LARGE1: variants seen among roughly 807,000 people sequenced by gnomAD.
LARGE1 encodes LARGE xylosyl- and glucuronyltransferase 1, also known as xylosyl- and glucuronyltransferase LARGE1.
In LARGE1, 43 loss-of-function variants were observed where a neutral mutation model predicts 87.6. The observed-to-expected ratio is 0.49, with a 90% confidence interval of 0.38 to 0.63. LARGE1 has a LOEUF of 0.63. Ranked by LOEUF, LARGE1 falls within the 30% of genes least tolerant of loss-of-function variation. The pLI is 0.00. For missense variants in LARGE1, 802 were observed against 1,000.2 expected, an observed-to-expected ratio of 0.80 and a Z score of 2.67; for synonymous variants, 434 against 394.6, an observed-to-expected ratio of 1.10 and a Z score of -1.18.
chr22:33,498,559 GCA>G (rs1569215112), intron 6 of LARGE1, among the ~76,000 whole-genome samples: 1 of 152,194 alleles, frequency 6.6e-6, no homozygotes, highest in Non-Finnish European at 1.5e-5. Context: ...CTAAGGGTTG[GCA>G]TATCTTTCCC....
intron 1 of LARGE1, among the ~76,000 whole-genome samples, chr22:33,775,229 C>A (rs529830949): frequency 1.3e-5 from 2 of 152,208 alleles, no homozygotes; most frequent in Admixed American, 1.3e-4. Context: ...CTGGGAATAA[C>A]CCCAAGATTT....
chr22:33,162,801 T>C (rs895841509), exon 12 of LARGE1: 1 of 152,218 alleles, frequency 6.6e-6, no homozygotes, highest in African/African-American at 2.4e-5. Flanking sequence ...TATACACTTA[T>C]GACAAAATGT....
At chr22:33,426,969 C>T (rs1031160521) in intron 7 of LARGE1, among the ~76,000 whole-genome samples, 4 of 152,194 alleles carry the variant, frequency 2.6e-5, no homozygotes, top group Non-Finnish European at 4.4e-5. Flanking sequence ...TTCTTTCTAC[C>T]GACCTGCCTT....
At chr22:33,459,791 G>A (rs535686973) in intron 6 of LARGE1, among the ~76,000 whole-genome samples, 34 of 148,978 alleles carry the variant, frequency 2.3e-4, no homozygotes, top group Admixed American at 2.2e-3. Flanking sequence ...GGTCCATAGT[G>A]GCTCTGAGCC....
intron 6 of LARGE1, among the ~76,000 whole-genome samples, chr22:33,444,125 A>G (rs1046559542): frequency 7.9e-5 from 12 of 152,260 alleles, no homozygotes; most frequent in Non-Finnish European, 4.4e-5. Flanking sequence ...ACTTCTGTGT[A>G]GGATAAGGCC....
At chr22:33,539,340 G>A (rs2077125941) in intron 6 of LARGE1, among the ~76,000 whole-genome samples, 2 of 151,958 alleles carry the variant, frequency 1.3e-5, no homozygotes, top group Non-Finnish European at 2.9e-5. Context: ...CCATGCCCAT[G>A]GGCATCCGCA....
chr22:33,708,902 A>C (rs2082643022), intron 2 of LARGE1, among the ~76,000 whole-genome samples: 1 of 152,224 alleles, frequency 6.6e-6, no homozygotes, highest in Non-Finnish European at 1.5e-5. Flanking sequence ...CCCAGCCCAG[A>C]GTTAGTTTCT....
intron 9 of LARGE1, among the ~76,000 whole-genome samples, chr22:33,358,290 C>T (rs115496939): frequency 0.028 from 1,982 of 71,462 alleles, 37 homozygotes; most frequent in African/African-American, 0.079. Context: ...TCTTCTCCCC[C>T]AAAACCAACT....
At chr22:33,388,569 ATTTT>A (rs992860804) in intron 7 of LARGE1, among the ~76,000 whole-genome samples, 2 of 151,880 alleles carry the variant, frequency 1.3e-5, no homozygotes, top group Admixed American at 6.6e-5. Context: ...GGCTTTTTAA[ATTTT>A]TTTATTTTTT....
chr22:33,687,350 T>A (rs146694046), intron 2 of LARGE1, among the ~76,000 whole-genome samples: 7 of 151,408 alleles, frequency 4.6e-5, no homozygotes, highest in Non-Finnish European at 7.4e-5. Flanking sequence ...CTACTCTCCA[T>A]CCGATGCCTC....
chr22:33,805,761 G>GAATA lies in LARGE1; in HGVS notation c.-82-44207_-82-44204dup, dbSNP rs71987559. On this transcript the variant is annotated intron_variant, in intron 1 of 14. Coordinates refer to ENST00000397394, the MANE Select transcript of LARGE1 (RefSeq NM_133642.5). ...AAAATAAATAAATAAGTAAATAAATGAATAAATAAATAAATAAATAAATAA... is the reference window on the plus strand; with the variant it reads ...AAAATAAATAAATAAGTAAATAAATGAATAAATAAATAAATAAATAAATAAATAA... 3.1e-3 allele frequency among the ~76,000 whole-genome samples: 396 copies of GAATA among 125,860 alleles called. 4 individuals are homozygous for GAATA. The highest frequency in any genetic ancestry group is 8.5e-3 in the African/African-American group (340 of 39,830). 82.6% of individuals were successfully genotyped at this position (125,860 alleles called of 152,430 possible).
chr22:33,190,290 A>C (rs1923708334), intron 11 of LARGE1, among the ~76,000 whole-genome samples: 1 of 152,182 alleles, frequency 6.6e-6, no homozygotes, highest in Admixed American at 6.5e-5. Flanking sequence ...CATAGAGTAC[A>C]TAAAAAGAAC....
intron 7 of LARGE1, among the ~76,000 whole-genome samples, chr22:33,416,927 A>G (rs2066518664): frequency 4.8e-5 from 2 of 41,890 alleles, no homozygotes; most frequent in African/African-American, 5.4e-4. Context: ...TTTTTTTTTG[A>G]GACAGAGTCT....
intron 1 of LARGE1, among the ~76,000 whole-genome samples, chr22:33,881,861 TTC>T (rs2064694705): frequency 1.3e-5 from 2 of 152,174 alleles, no homozygotes; most frequent in Admixed American, 1.3e-4. Context: ...ATGGGGCAGG[TTC>T]TCCAGACATC....
At chr22:33,214,416 T>G (rs1925106407) in intron 11 of LARGE1, among the ~76,000 whole-genome samples, 1 of 152,058 alleles carries the variant, frequency 6.6e-6, no homozygotes, top group Non-Finnish European at 1.5e-5. Flanking sequence ...AACATACAAA[T>G]TTGGGGGGCC....
the LARGE1 span, among the ~76,000 whole-genome samples, chr22:33,134,825 C>G: frequency 6.6e-6 from 1 of 152,166 alleles, no homozygotes; most frequent in African/African-American, 2.4e-5. Flanking sequence ...GATCATCAGC[C>G]TGAATCATAG....
intron 6 of LARGE1, among the ~76,000 whole-genome samples, chr22:33,496,650 A>G (rs1460552559): frequency 3.9e-5 from 6 of 152,236 alleles, no homozygotes; most frequent in Non-Finnish European, 8.8e-5. Flanking sequence ...CGACAGGACT[A>G]AAGAAACACT....
At chr22:33,781,122 G>A (rs574218272) in intron 1 of LARGE1, among the ~76,000 whole-genome samples, 2 of 152,328 alleles carry the variant, frequency 1.3e-5, no homozygotes, top group South Asian at 4.1e-4. Context: ...TAGTTTGGAC[G>A]TTTTTCATTT....
At chr22:33,298,552 G>A (rs2146083530) in intron 12 of LARGE1, among the ~76,000 whole-genome samples, 1 of 152,340 alleles carries the variant, frequency 6.6e-6, no homozygotes, top group African/African-American at 2.4e-5. Context: ...GTCAGCCATG[G>A]TGGCTCACGC....
Sources: gnomAD v4.1 joint callset for allele counts (sites outside exome capture counted in the v4.1 genomes callset) on GRCh38, gnomAD v4.1.1 for gene constraint, MANE v1.5 for transcripts, NCBI Gene and HGNC (gene_info 2026-07-23, HGNC 2026-07-21) for gene names.